Variants in CTNNA3 observed in about 807,000 individuals in gnomAD.
CTNNA3 encodes catenin alpha 3.
CTNNA3 carries 76 observed loss-of-function variants against 95.7 expected under a neutral mutation model. The observed-to-expected ratio is 0.79, with a 90% CI of 0.66 to 0.96. CTNNA3 has a LOEUF of 0.96. Ranked by LOEUF, CTNNA3 falls within the 40% of genes least tolerant of loss-of-function variation. CTNNA3 has a pLI of 0.00. For synonymous variants in CTNNA3, 431 were observed against 374.4 expected, an observed-to-expected ratio of 1.15 and a Z score of -1.74; for missense variants, 1,191 against 1,089.8, an observed-to-expected ratio of 1.09 and a Z score of -1.31.
At chr10:66,846,467 CCACACACA>C (rs34923400) in intron 7 of CTNNA3, among the ~76,000 whole-genome samples, 1,478 of 147,710 alleles carry the variant, frequency 0.01, 23 homozygotes, top group African/African-American at 0.034. Flanking sequence ...AATGTTCTCA[CCACACACA>C]CACACACACA....
chr10:66,235,782 AATT>A (rs201401260), intron 13 of CTNNA3, among the ~76,000 whole-genome samples: 150,010 of 152,220 alleles, frequency 0.99, 73,938 homozygotes, highest in East Asian at 1. Context: ...TTAATCTGAC[AATT>A]AATAGGGCCA....
intron 6 of CTNNA3, among the ~76,000 whole-genome samples, chr10:67,191,346 T>C (rs1457528753): frequency 1.3e-5 from 2 of 151,880 alleles, no homozygotes; most frequent in Non-Finnish European, 2.9e-5. Flanking sequence ...ATATTATGTA[T>C]AGAAAACCCA....
intron 2 of CTNNA3, among the ~76,000 whole-genome samples, chr10:67,614,177 T>C (rs1421499737): frequency 1.3e-5 from 2 of 152,148 alleles, no homozygotes; most frequent in African/African-American, 4.8e-5. Context: ...TACAGAGCGC[T>C]GATTGGTGCA....
intron 9 of CTNNA3, among the ~76,000 whole-genome samples, chr10:66,756,404 T>A (rs1429081243): frequency 2.6e-5 from 4 of 152,318 alleles, no homozygotes; most frequent in Middle Eastern, 3.4e-3. Flanking sequence ...ATCAACGCAA[T>A]TCAGAGTAAA....
intron 15 of CTNNA3, among the ~76,000 whole-genome samples, chr10:65,992,890 C>G (rs1210695757): frequency 6.6e-6 from 1 of 152,004 alleles, no homozygotes; most frequent in African/African-American, 2.4e-5. Flanking sequence ...ATGAACTTCC[C>G]TCTTAGCACT....
At chr10:67,445,169 TG>T (rs1459702818) in intron 5 of CTNNA3, among the ~76,000 whole-genome samples, 2 of 151,164 alleles carry the variant, frequency 1.3e-5, no homozygotes, top group Admixed American at 1.3e-4. Context: ...GCAAGCTTAA[TG>T]GTAACCTCAA....
intron 5 of CTNNA3, among the ~76,000 whole-genome samples, chr10:67,311,759 G>A (rs1840810503): frequency 6.6e-6 from 1 of 152,120 alleles, no homozygotes; most frequent in African/African-American, 2.4e-5. Flanking sequence ...ATAAAGCAAG[G>A]AAAGCATAAA....
intron 7 of CTNNA3, among the ~76,000 whole-genome samples, chr10:67,003,948 A>G (rs535829523): frequency 4.6e-5 from 7 of 152,194 alleles, no homozygotes; most frequent in Non-Finnish European, 8.8e-5. Flanking sequence ...AGTAAGTTCT[A>G]TATCAGGTCT....
intron 13 of CTNNA3, among the ~76,000 whole-genome samples, chr10:66,137,175 C>CT (rs993039352): frequency 5.3e-5 from 8 of 151,992 alleles, no homozygotes; most frequent in African/African-American, 9.6e-5. Context: ...CTTCTTGAGA[C>CT]TTTTTTTTAG....
At chr10:66,618,587 G>C (rs1341590743) in intron 10 of CTNNA3, among the ~76,000 whole-genome samples, 2 of 152,076 alleles carry the variant, frequency 1.3e-5, no homozygotes, top group African/African-American at 4.8e-5. Flanking sequence ...TTAAACGTTA[G>C]ACCTAAAACC....
intron 4 of CTNNA3, among the ~76,000 whole-genome samples, chr10:67,527,125 C>T (rs529473773): frequency 2.0e-5 from 3 of 152,148 alleles, no homozygotes; most frequent in African/African-American, 7.2e-5. Context: ...GGTGTGGTGG[C>T]ATGCACCTGT....
intron 9 of CTNNA3, among the ~76,000 whole-genome samples, chr10:66,709,602 C>T (rs747522443): frequency 4.6e-5 from 7 of 152,004 alleles, no homozygotes; most frequent in Non-Finnish European, 1.0e-4. Context: ...ATATTTATTC[C>T]TTATTACTTC....
At chr10:66,311,925 T>G (rs1282068019) in intron 12 of CTNNA3, among the ~76,000 whole-genome samples, 1 of 152,184 alleles carries the variant, frequency 6.6e-6, no homozygotes, top group Non-Finnish European at 1.5e-5. Context: ...TGTTGGGTTT[T>G]GGTAGATGAC....
At chr10:67,644,551 T>C (rs553328342) in intron 2 of CTNNA3, among the ~76,000 whole-genome samples, 142 of 152,178 alleles carry the variant, frequency 9.3e-4, no homozygotes, top group African/African-American at 3.2e-3. Context: ...TGGTGGGTTA[T>C]ACATGATCAA....
Position 67,178,754 on chromosome 10 carries a change from AT to A in CTNNA3, c.1047+1562del, listed in dbSNP as rs1214574395. Among the ~76,000 whole-genome samples the A allele has an allele frequency of 2.0e-5, 3 of 151,908 alleles. No homozygotes were observed. In the East Asian group the frequency reaches 5.8e-4, roughly 29 times the overall value. ...TTTATCTGTAAAGAGGAAAATAATA[AT>A]TGTAACAGTTTGCATATCATGAAAG... is the stretch of plus-strand genomic sequence containing the variant. On this transcript the variant is annotated intron_variant, in intron 7 of 17. Coordinates refer to ENST00000433211, the MANE Select transcript of CTNNA3 (RefSeq NM_013266.4).
At chr10:66,316,160 A>G (rs919833541) in intron 12 of CTNNA3, among the ~76,000 whole-genome samples, 3 of 152,068 alleles carry the variant, frequency 2.0e-5, no homozygotes, top group Non-Finnish European at 4.4e-5. Flanking sequence ...GACAAACAAA[A>G]ACAAATAAAA....
chr10:67,082,376 G>A (rs946135403), intron 7 of CTNNA3, among the ~76,000 whole-genome samples: 6 of 152,152 alleles, frequency 3.9e-5, no homozygotes, highest in African/African-American at 1.4e-4. Flanking sequence ...GATTTCGCTA[G>A]CACTGAGCAG....
At chr10:66,090,803 G>A (rs1180954730) in intron 14 of CTNNA3, among the ~76,000 whole-genome samples, 12 of 151,988 alleles carry the variant, frequency 7.9e-5, no homozygotes, top group Admixed American at 6.6e-5. Context: ...AGCTTTAGAT[G>A]TTTAGAGTGC....
intron 10 of CTNNA3, among the ~76,000 whole-genome samples, chr10:66,621,286 C>G (rs1203621746): frequency 6.6e-6 from 1 of 152,098 alleles, no homozygotes; most frequent in Non-Finnish European, 1.5e-5. Flanking sequence ...TCTCTACTCT[C>G]TTTTTAAGAA....
Sources: allele counts gnomAD v4.1 joint callset (sites outside exome capture counted in the v4.1 genomes callset), GRCh38; gene constraint gnomAD v4.1.1; transcripts MANE v1.5; gene names NCBI Gene and HGNC (gene_info 2026-07-23, HGNC 2026-07-21).